ADAMTSL1: variants seen among roughly 807,000 people sequenced by gnomAD.
The protein encoded by ADAMTSL1 is ADAMTS-like protein 1.
A neutral mutation model predicts 201.8 loss-of-function variants in ADAMTSL1; 126 were observed. That is an observed-to-expected ratio of 0.62 (90% CI 0.54 to 0.72). The LOEUF is 0.72. Among genes scored for constraint, ADAMTSL1 ranks in the 30% least tolerant of loss-of-function variants. The probability of loss-of-function intolerance (pLI) is 0.00; values close to 1 mark genes in which losing one functional copy is unlikely to be tolerated. For synonymous variants in ADAMTSL1, 1,121 were observed against 903.4 expected, an observed-to-expected ratio of 1.24 and a Z score of -4.32; for missense variants, 2,679 against 2,277.8, an observed-to-expected ratio of 1.18 and a Z score of -3.59.
chr9:18,577,929 A>T (rs1822842890), intron 4 of ADAMTSL1, among the ~76,000 whole-genome samples: 1 of 152,038 alleles, frequency 6.6e-6, no homozygotes, highest in South Asian at 2.1e-4. Flanking sequence ...ATAAAGGACA[A>T]TTCTTTGAAC....
chr9:18,222,291 ATTTGGATTCATATTTTCATAAT>A (rs1830289583), intron 2 of ADAMTSL1, among the ~76,000 whole-genome samples: 2 of 151,616 alleles, frequency 1.3e-5, no homozygotes, highest in African/African-American at 4.8e-5. Flanking sequence ...TCTTATTGTC[ATTTGGATTCATATTTTCATAAT>A]TTCTATTTTA....
chr9:18,386,352 A>ATGGTTAGTGGTGAGG lies in ADAMTSL1; in HGVS notation c.208-118475_208-118461dup, dbSNP rs1199245985. The stretch of plus-strand genomic sequence containing the variant: ...AGCTCTGCATGATTTCTCAACCATG[A>ATGGTTAGTGGTGAGG]TGGTTAGTGGTGAGGTAATTACTGG... On this transcript the variant is annotated intron_variant, in intron 2 of 29. Transcript: ENST00000680146. Among the ~76,000 whole-genome samples the ATGGTTAGTGGTGAGG allele has an allele frequency of 9.2e-5, 14 of 152,184 alleles. No individual in the cohort carries two copies. In the East Asian group the frequency reaches 2.3e-3, roughly 25 times the overall value.
intron 2 of ADAMTSL1, chr9:18,362,161 C>G (rs916328956): frequency 6.6e-6 from 1 of 152,214 alleles, no homozygotes; most frequent in South Asian, 2.1e-4. Context: ...CATAGATTCT[C>G]TCCCAGCTAA....
intron 1 of ADAMTSL1, among the ~76,000 whole-genome samples, chr9:18,026,913 C>T (rs879912243): frequency 6.6e-6 from 1 of 151,910 alleles, no homozygotes; most frequent in South Asian, 2.1e-4. Flanking sequence ...CTCAGGGTTT[C>T]ACCTTCTTCC....
chr9:17,967,395 C>T (rs953973785), intron 1 of ADAMTSL1, among the ~76,000 whole-genome samples: 22 of 152,036 alleles, frequency 1.4e-4, no homozygotes, highest in South Asian at 2.1e-4. Flanking sequence ...TCTTTAGATT[C>T]ATCTCTAAAT....
chr9:18,256,313 C>G (rs77426512), intron 2 of ADAMTSL1, among the ~76,000 whole-genome samples: 41 of 152,262 alleles, frequency 2.7e-4, no homozygotes, highest in African/African-American at 9.1e-4. Context: ...ATGGAAGACG[C>G]TAGGCAGGCA....
At chr9:18,323,612 TC>T (rs1165371869) in intron 2 of ADAMTSL1, among the ~76,000 whole-genome samples, 1 of 152,100 alleles carries the variant, frequency 6.6e-6, no homozygotes, top group African/African-American at 2.4e-5. Flanking sequence ...TTGTCCTAAA[TC>T]ATCCACAAAA....
At chr9:18,386,312 A>G (rs1317339256) in intron 2 of ADAMTSL1, among the ~76,000 whole-genome samples, 3 of 152,196 alleles carry the variant, frequency 2.0e-5, no homozygotes, top group Non-Finnish European at 4.4e-5. Flanking sequence ...TCGATTTGAT[A>G]TGGTTCAGCT....
At chr9:18,398,529 C>T (rs1013432157) in intron 2 of ADAMTSL1, among the ~76,000 whole-genome samples, 3 of 152,138 alleles carry the variant, frequency 2.0e-5, no homozygotes, top group Non-Finnish European at 4.4e-5. Flanking sequence ...ATTTTAAATG[C>T]CTTGAAAGGC....
At chr9:18,305,522 G>A (rs957047974) in intron 2 of ADAMTSL1, among the ~76,000 whole-genome samples, 4 of 152,166 alleles carry the variant, frequency 2.6e-5, no homozygotes, top group Non-Finnish European at 4.4e-5. Flanking sequence ...TTGGTGGGGG[G>A]AGGGGCATCC....
chr9:18,848,875 T>C (rs1260235163), intron 23 of ADAMTSL1, among the ~76,000 whole-genome samples: 1 of 152,192 alleles, frequency 6.6e-6, no homozygotes, highest in African/African-American at 2.4e-5. Flanking sequence ...AGGACTGGAT[T>C]TTGCACTCGG....
intron 1 of ADAMTSL1, among the ~76,000 whole-genome samples, chr9:18,503,296 A>G (rs538508117): frequency 6.6e-5 from 10 of 151,970 alleles, no homozygotes; most frequent in African/African-American, 2.4e-4. Context: ...CAGTAAGTGG[A>G]ATCATGCAAT....
intron 1 of ADAMTSL1, among the ~76,000 whole-genome samples, chr9:18,079,716 A>AATAG (rs1823398916): frequency 6.7e-6 from 1 of 149,712 alleles, no homozygotes; most frequent in East Asian, 1.9e-4. Flanking sequence ...TAAATAAATA[A>AATAG]ATAAATAAAT....
chr9:18,712,458 G>A (rs896823961), intron 14 of ADAMTSL1, among the ~76,000 whole-genome samples: 7 of 151,862 alleles, frequency 4.6e-5, no homozygotes, highest in Admixed American at 3.9e-4. Context: ...GAATGCAGAA[G>A]CCTCAGGAGC....
chr9:18,131,086 A>G (rs1418443752), intron 1 of ADAMTSL1, among the ~76,000 whole-genome samples: 1 of 152,192 alleles, frequency 6.6e-6, no homozygotes, highest in South Asian at 2.1e-4. Flanking sequence ...AATCTCTGCC[A>G]TCCTCGAGAA....
intron 2 of ADAMTSL1, among the ~76,000 whole-genome samples, chr9:18,382,813 G>A (rs544099103): frequency 1.3e-5 from 2 of 152,274 alleles, no homozygotes; most frequent in Non-Finnish European, 2.9e-5. Context: ...AGAGTTCTAA[G>A]TTATGATGAA....
At chr9:18,025,254 T>G (rs1484219338) in intron 1 of ADAMTSL1, among the ~76,000 whole-genome samples, 2 of 152,164 alleles carry the variant, frequency 1.3e-5, no homozygotes, top group African/African-American at 4.8e-5. Context: ...GTAAAAGCTT[T>G]TTAATTAGGT....
chr9:18,081,189 G>A (rs1199312943), intron 1 of ADAMTSL1, among the ~76,000 whole-genome samples: 1 of 152,152 alleles, frequency 6.6e-6, no homozygotes, highest in African/African-American at 2.4e-5. Flanking sequence ...TTAGTAAGTG[G>A]CAGTTACTGT....
In ADAMTSL1 at chr9:17,936,714, A is replaced by T. The variant is rs1004183437; in HGVS notation, c.87+29792A>T. Among the ~76,000 whole-genome samples the T allele has an allele frequency of 5.3e-5, 8 of 151,960 alleles. No homozygotes were observed. The East Asian group carries it at 1.6e-3, about 29-fold the overall frequency. ...AGGCAAGAGGCTTACAGCAGGTACC[A>T]CCCCTGCTTGCTGCCAAATATCTCC... On this transcript the variant is annotated intron_variant, in intron 1 of 29. Coordinates refer to the ADAMTSL1 transcript ENST00000680146.
Sources: allele counts gnomAD v4.1 joint callset (sites outside exome capture counted in the v4.1 genomes callset), GRCh38; gene constraint gnomAD v4.1.1; transcripts MANE v1.5; gene names NCBI Gene and HGNC (gene_info 2026-07-23, HGNC 2026-07-21).